Variants in BLTP3A observed in about 807,000 individuals in gnomAD.
BLTP3A encodes ICBP90 binding protein 1.
the BLTP3A span, among the ~76,000 whole-genome samples, chr6:34,848,596 A>G: frequency 4.2e-5 from 6 of 144,050 alleles, no homozygotes; most frequent in African/African-American, 1.6e-4. Context: ...ACAGAGTGAG[A>G]CTTGGTCTCA....
chr6:34,831,520 T>C, the BLTP3A span, among the ~76,000 whole-genome samples: 1 of 152,202 alleles, frequency 6.6e-6, no homozygotes, highest in African/African-American at 2.4e-5. Context: ...TTAGCAGTTT[T>C]TGTATCTTGT....
At chr6:34,861,805 G>T in the BLTP3A span, among the ~76,000 whole-genome samples, 1 of 152,076 alleles carries the variant, frequency 6.6e-6, no homozygotes, top group African/African-American at 2.4e-5. Context: ...GGCTGGTCTT[G>T]AACTCTTGGG....
the BLTP3A span, chr6:34,857,022 A>T: frequency 6.9e-7 from 1 of 1,457,080 alleles, no homozygotes; most frequent in African/African-American, 1.4e-5. Context: ...GAATTTGGGG[A>T]CTATTTACCT....
chr6:34,861,403 G>T, the BLTP3A span, among the ~76,000 whole-genome samples: 1 of 152,186 alleles, frequency 6.6e-6, no homozygotes. Flanking sequence ...TGGGATTACA[G>T]GTGTGAGCCA....
chr6:34,817,842 C>T, the BLTP3A span, among the ~76,000 whole-genome samples: 4 of 147,734 alleles, frequency 2.7e-5, no homozygotes, highest in Admixed American at 6.8e-5. Flanking sequence ...CCCAGCAAGA[C>T]GTGTAGGAAT....
At chr6:34,841,800 T>A in the BLTP3A span, among the ~76,000 whole-genome samples, 1 of 152,008 alleles carries the variant, frequency 6.6e-6, no homozygotes, top group African/African-American at 2.4e-5. Flanking sequence ...CCCCAGAAAA[T>A]AAAAAAAGAA....
chr6:34,820,687 T>C, the BLTP3A span, among the ~76,000 whole-genome samples: 1 of 149,612 alleles, frequency 6.7e-6, no homozygotes, highest in East Asian at 1.9e-4. Context: ...CTGGTGTTTG[T>C]TTGTTTTTAT....
At chr6:34,864,706 G>A in the BLTP3A span, among the ~76,000 whole-genome samples, 2 of 152,004 alleles carry the variant, frequency 1.3e-5, no homozygotes, top group Non-Finnish European at 2.9e-5. Flanking sequence ...AGTGGCTGAC[G>A]CCTGTAATCC....
At chr6:34,862,642 G>A in the BLTP3A span, among the ~76,000 whole-genome samples, 2 of 151,868 alleles carry the variant, frequency 1.3e-5, no homozygotes, top group Non-Finnish European at 2.9e-5. Flanking sequence ...AGACCATGCT[G>A]GCTAACACGG....
chr6:34,866,117 C>G, the BLTP3A span, among the ~76,000 whole-genome samples: 1 of 152,104 alleles, frequency 6.6e-6, no homozygotes, highest in African/African-American at 2.4e-5. Flanking sequence ...AGCATCCAGT[C>G]TAAAAGGAAA....
the BLTP3A span, among the ~76,000 whole-genome samples, chr6:34,864,522 C>CTTTTTTTTTTTT: frequency 9.1e-6 from 1 of 109,456 alleles, no homozygotes; most frequent in Non-Finnish European, 1.8e-5. Flanking sequence ...TGCTTATAGT[C>CTTTTTTTTTTTT]TTTTTTTTTT....
At chr6:34,818,969 A>G in the BLTP3A span, among the ~76,000 whole-genome samples, 85 of 152,262 alleles carry the variant, frequency 5.6e-4, no homozygotes, top group African/African-American at 2.0e-3. Flanking sequence ...TAGTGAAAAA[A>G]GTTGGTAAAT....
At chr6:34,820,524 A>G in the BLTP3A span, among the ~76,000 whole-genome samples, 1 of 151,014 alleles carries the variant, frequency 6.6e-6, no homozygotes, top group Non-Finnish European at 1.5e-5. Flanking sequence ...GCTTCCCTCC[A>G]CTTTATTCTG....
chr6:34,864,144 C>T, the BLTP3A span: 36 of 1,613,852 alleles, frequency 2.2e-5, no homozygotes, highest in Admixed American at 5.0e-5. Flanking sequence ...CCCTGAAGAC[C>T]GGATTTCAGT....
At chr6:34,810,012 A>G in the BLTP3A span, among the ~76,000 whole-genome samples, 1 of 152,328 alleles carries the variant, frequency 6.6e-6, no homozygotes, top group African/African-American at 2.4e-5. Flanking sequence ...TAAGGAAGAT[A>G]AATACATTTA....
chr6:34,862,506 A>G, the BLTP3A span, among the ~76,000 whole-genome samples: 1 of 152,012 alleles, frequency 6.6e-6, no homozygotes, highest in Non-Finnish European at 1.5e-5. Flanking sequence ...TGTGCTTCTT[A>G]ATAGTTTCTC....
At chr6:34,849,425 C>T in the BLTP3A span, among the ~76,000 whole-genome samples, 1 of 152,114 alleles carries the variant, frequency 6.6e-6, no homozygotes, top group Admixed American at 6.5e-5. Context: ...AAAAACAAAC[C>T]AACTAACAAA....
At chr6:34,809,378 G>C in the BLTP3A span, among the ~76,000 whole-genome samples, 4 of 152,236 alleles carry the variant, frequency 2.6e-5, no homozygotes, top group South Asian at 4.1e-4. Context: ...GAGCTACAGA[G>C]CAAGACTCTG....
the BLTP3A span, among the ~76,000 whole-genome samples, chr6:34,862,629 T>G: frequency 1.3e-5 from 2 of 151,700 alleles, no homozygotes; most frequent in African/African-American, 4.8e-5. Context: ...GGTCAGGAGA[T>G]GGAGACCATG....
Sources: gnomAD v4.1 joint callset for allele counts (sites outside exome capture counted in the v4.1 genomes callset) on GRCh38, gnomAD v4.1.1 for gene constraint, MANE v1.5 for transcripts, NCBI Gene and HGNC (gene_info 2026-07-23, HGNC 2026-07-21) for gene names.